CNTN5: variants seen among roughly 807,000 people sequenced by gnomAD.
The protein encoded by CNTN5 is contactin 5, also known as contactin-5.
A neutral mutation model predicts 129.1 loss-of-function variants in CNTN5; 77 were observed. That is an observed-to-expected ratio of 0.60 (90% confidence interval 0.50 to 0.72). CNTN5 has a LOEUF of 0.72. Among genes scored for constraint, CNTN5 ranks in the 30% least tolerant of loss-of-function variants. The pLI, the probability that CNTN5 is intolerant of heterozygous loss-of-function variation, is 0.00. For missense variants in CNTN5, 1,478 were observed against 1,328.8 expected (o/e 1.11, Z -1.75); for synonymous variants, 509 against 465.6 (o/e 1.09, Z -1.20).
intron 11 of CNTN5, among the ~76,000 whole-genome samples, chr11:100,071,255 G>C (rs187593861): frequency 6.6e-6 from 1 of 151,960 alleles, no homozygotes; most frequent in African/African-American, 2.4e-5. Flanking sequence ...ACTCCTGATT[G>C]GATCCATATA....
At chr11:99,667,064 T>A (rs1346664621) in intron 3 of CNTN5, among the ~76,000 whole-genome samples, 2 of 152,048 alleles carry the variant, frequency 1.3e-5, no homozygotes, top group East Asian at 3.8e-4. Flanking sequence ...GCTATTAGGA[T>A]GTGACACATT....
chr11:99,894,823 T>C (rs1949162318), intron 6 of CNTN5, among the ~76,000 whole-genome samples: 1 of 152,194 alleles, frequency 6.6e-6, no homozygotes. Flanking sequence ...TGGTTTTGGA[T>C]TTAGAAACAT....
intron 6 of CNTN5, among the ~76,000 whole-genome samples, chr11:99,878,023 A>G (rs1177215147): frequency 7.2e-5 from 11 of 152,196 alleles, no homozygotes; most frequent in Non-Finnish European, 2.9e-5. Flanking sequence ...ACTTATTAAG[A>G]CACCCCACAA....
intron 3 of CNTN5, among the ~76,000 whole-genome samples, chr11:99,671,436 ACTG>A (rs1278554434): frequency 3.3e-5 from 5 of 152,276 alleles, no homozygotes; most frequent in East Asian, 3.9e-4. Flanking sequence ...GGTTGGGTAA[ACTG>A]CTGGTGAATT....
intron 2 of CNTN5, among the ~76,000 whole-genome samples, chr11:99,491,351 C>A (rs1015243017): frequency 6.6e-6 from 1 of 152,046 alleles, no homozygotes; most frequent in Non-Finnish European, 1.5e-5. Context: ...AATAAGATTG[C>A]TAACATACTG....
At chr11:99,706,633 T>G (rs1591508476) in intron 3 of CNTN5, among the ~76,000 whole-genome samples, 1 of 151,564 alleles carries the variant, frequency 6.6e-6, no homozygotes, top group Admixed American at 6.6e-5. Flanking sequence ...CGTCAGAAAC[T>G]ATTTTTCTCT....
At chr11:99,527,746 A>C (rs945437732) in intron 2 of CNTN5, among the ~76,000 whole-genome samples, 1 of 152,228 alleles carries the variant, frequency 6.6e-6, no homozygotes, top group African/African-American at 2.4e-5. Context: ...ATGACAGTAC[A>C]ACTGCCAGGG....
chr11:99,076,860 T>C (rs1865597948), intron 1 of CNTN5, among the ~76,000 whole-genome samples: 1 of 152,234 alleles, frequency 6.6e-6, no homozygotes, highest in Non-Finnish European at 1.5e-5. Flanking sequence ...AATAGTTCTG[T>C]ATTTTCCAAT....
chr11:99,303,333 GAT>G (rs1206573419), intron 1 of CNTN5, among the ~76,000 whole-genome samples: 1 of 151,600 alleles, frequency 6.6e-6, no homozygotes, highest in Non-Finnish European at 1.5e-5. Context: ...GTTCTGAACA[GAT>G]AGTGTTACAA....
intron 3 of CNTN5, among the ~76,000 whole-genome samples, chr11:99,751,163 C>A (rs1396252211): frequency 6.6e-6 from 1 of 152,064 alleles, no homozygotes; most frequent in Non-Finnish European, 1.5e-5. Context: ...ATAGTGAAAT[C>A]TCGTCTCTAC....
At chr11:99,438,279 A>T (rs1317132568) in intron 2 of CNTN5, among the ~76,000 whole-genome samples, 1 of 152,158 alleles carries the variant, frequency 6.6e-6, no homozygotes, top group African/African-American at 2.4e-5. Flanking sequence ...ATTTTTGAAT[A>T]GTAATTTAGA....
chr11:99,993,327 C>G (rs1003116710), intron 8 of CNTN5, among the ~76,000 whole-genome samples: 3 of 152,166 alleles, frequency 2.0e-5, no homozygotes, highest in Non-Finnish European at 4.4e-5. Flanking sequence ...CAGCAACTTT[C>G]AGTAGGACCT....
intron 2 of CNTN5, among the ~76,000 whole-genome samples, chr11:99,480,256 A>T (rs1413541037): frequency 1.3e-5 from 2 of 152,156 alleles, no homozygotes; most frequent in East Asian, 3.8e-4. Flanking sequence ...TGCCTTTCCT[A>T]TGCCAGTTTT....
chr11:99,699,699 A>C (rs1373787680), intron 3 of CNTN5, among the ~76,000 whole-genome samples: 6 of 151,500 alleles, frequency 4.0e-5, no homozygotes, highest in Non-Finnish European at 8.9e-5. Context: ...TTGTTAGATC[A>C]TGGGATGCAT....
At chr11:99,663,683 C>G (rs753077610) in intron 3 of CNTN5, among the ~76,000 whole-genome samples, 1 of 152,092 alleles carries the variant, frequency 6.6e-6, no homozygotes, top group Non-Finnish European at 1.5e-5. Context: ...GGTTCTATAA[C>G]GAGCTCTTAC....
At chr11:99,479,184 ATTTG>A (rs1244313615) in intron 2 of CNTN5, among the ~76,000 whole-genome samples, 2 of 151,926 alleles carry the variant, frequency 1.3e-5, no homozygotes, top group Admixed American at 6.6e-5. Context: ...TTTAAGAACT[ATTTG>A]TTTGTTTAAG....
At chr11:99,874,130 A>G (rs1948574744) in intron 6 of CNTN5, among the ~76,000 whole-genome samples, 1 of 152,172 alleles carries the variant, frequency 6.6e-6, no homozygotes, top group African/African-American at 2.4e-5. Flanking sequence ...TAATGGATAC[A>G]CTAGAAGCCC....
intron 8 of CNTN5, among the ~76,000 whole-genome samples, chr11:99,991,619 A>G (rs1939103712): frequency 6.6e-6 from 1 of 152,230 alleles, no homozygotes; most frequent in Admixed American, 6.6e-5. Context: ...CTGACATGCA[A>G]CCAACACTGT....
intron 1 of CNTN5, among the ~76,000 whole-genome samples, chr11:99,177,997 T>A (rs1394673645): frequency 6.7e-6 from 1 of 148,830 alleles, no homozygotes; most frequent in Admixed American, 7.0e-5. Flanking sequence ...ATGGCTGATC[T>A]TGGGGAGAAA....
Sources: allele counts gnomAD v4.1 joint callset (sites outside exome capture counted in the v4.1 genomes callset), GRCh38; gene constraint gnomAD v4.1.1; transcripts MANE v1.5; gene names NCBI Gene and HGNC (gene_info 2026-07-23, HGNC 2026-07-21).